Variants in STK3 observed in about 807,000 individuals in gnomAD.
STK3 encodes serine/threonine-protein kinase 3.
A neutral mutation model predicts 58.0 loss-of-function variants in STK3; 41 were observed. The observed-to-expected ratio is 0.71, with a 90% CI of 0.55 to 0.92. The LOEUF (loss-of-function observed/expected upper bound fraction) is 0.92, where lower values mean the gene tolerates loss of function less well. STK3 is among the 40% of genes least tolerant of loss of function. The probability of loss-of-function intolerance (pLI) is 0.00; values close to 1 mark genes in which losing one functional copy is unlikely to be tolerated. For synonymous variants in STK3, 170 were observed against 191.0 expected (o/e 0.89, Z 0.91); for missense variants, 479 against 602.7 (o/e 0.79, Z 2.15).
chr8:98,893,471 A>AG (rs1838302046), intron 1 of STK3, among the ~76,000 whole-genome samples: 1 of 90,214 alleles, frequency 1.1e-5, no homozygotes, highest in African/African-American at 5.8e-5. Context: ...AGAAAGAAAG[A>AG]AAGAAAGAAA....
At chr8:98,789,691 C>T (rs756393793) in intron 1 of STK3, among the ~76,000 whole-genome samples, 4 of 152,042 alleles carry the variant, frequency 2.6e-5, no homozygotes, top group Non-Finnish European at 4.4e-5. Flanking sequence ...TAAAACCTTC[C>T]TGGCTTAAAT....
At chr8:98,548,282 T>C (rs1810885652) in intron 8 of STK3, 121 bp from the exon 9 acceptor site, 1 of 691,358 alleles carries the variant, frequency 1.4e-6, no homozygotes, top group African/African-American at 1.9e-5. Flanking sequence ...TTAGTACTGA[T>C]TTTAATATAA....
chr8:98,871,466 T>C (rs569515880), intron 3 of STK3, among the ~76,000 whole-genome samples: 1 of 152,372 alleles, frequency 6.6e-6, no homozygotes, highest in South Asian at 2.1e-4. Flanking sequence ...TGATTCTTGC[T>C]ATCCACAAGC....
intron 10 of STK3, among the ~76,000 whole-genome samples, chr8:98,477,707 G>GGGA (rs1821459399): frequency 1.3e-5 from 1 of 77,908 alleles, no homozygotes; most frequent in Non-Finnish European, 2.7e-5. Context: ...CTTGGCGGGG[G>GGGA]GGGGGGGGGT....
intron 7 of STK3, among the ~76,000 whole-genome samples, chr8:98,584,221 T>C (rs1197243474): frequency 1.3e-5 from 2 of 152,178 alleles, no homozygotes; most frequent in East Asian, 3.9e-4. Context: ...TAGCATTAGG[T>C]ATATCTCCTA....
chr8:98,590,861 G>A (rs1815248953), intron 7 of STK3, among the ~76,000 whole-genome samples: 1 of 152,150 alleles, frequency 6.6e-6, no homozygotes, highest in African/African-American at 2.4e-5. Context: ...ATATGCTAAT[G>A]CCATTTTATC....
At chr8:98,347,039 A>G in the STK3 span, among the ~76,000 whole-genome samples, 78 of 152,048 alleles carry the variant, frequency 5.1e-4, 1 homozygote, top group East Asian at 0.015. Context: ...CACAAAGCCC[A>G]TAAAAGGAGA....
intron 4 of STK3, among the ~76,000 whole-genome samples, chr8:98,729,310 A>G (rs762370987): frequency 1.6e-4 from 25 of 152,010 alleles, no homozygotes; most frequent in Non-Finnish European, 3.1e-4. Flanking sequence ...GGGTTTCTCT[A>G]TGTCAGCCAG....
chr8:98,745,362 A>T (rs1036466574), intron 4 of STK3, among the ~76,000 whole-genome samples: 1 of 152,144 alleles, frequency 6.6e-6, no homozygotes, highest in African/African-American at 2.4e-5. Context: ...GTAGCTTTGC[A>T]TATGTTTGCT....
At chr8:98,734,086 G>A (rs1196988659) in intron 4 of STK3, among the ~76,000 whole-genome samples, 1 of 152,082 alleles carries the variant, frequency 6.6e-6, no homozygotes, top group Non-Finnish European at 1.5e-5. Flanking sequence ...ACACTCTCAT[G>A]AGAACTCACT....
At chr8:98,702,290 C>T (rs1825685269) in intron 6 of STK3, among the ~76,000 whole-genome samples, 1 of 152,140 alleles carries the variant, frequency 6.6e-6, no homozygotes, top group Non-Finnish European at 1.5e-5. Context: ...TAAACTAAAG[C>T]ATATAAAACA....
At chr8:98,389,401 G>C (rs1817825186), upstream of STK3, among the ~76,000 whole-genome samples, 1 of 152,132 alleles carries the variant, frequency 6.6e-6, no homozygotes, top group Non-Finnish European at 1.5e-5. Flanking sequence ...TCCACCAGAA[G>C]TCTAGCACAA....
chr8:98,478,945 C>T (rs1821604592), intron 10 of STK3, among the ~76,000 whole-genome samples: 1 of 152,162 alleles, frequency 6.6e-6, no homozygotes, highest in African/African-American at 2.4e-5. Context: ...TCCCTATGTT[C>T]CTGATGAGGT....
chr8:98,825,682 C>T lies in STK3; in HGVS notation c.-142G>A, dbSNP rs1039853176. Reference sequence around the variant, plus strand: ...GACCAACTTTCCCGTAACTCCGCGGCGGATCTCCCTCCCGCTTAGGAGCGC... The same window carrying T: ...GACCAACTTTCCCGTAACTCCGCGGTGGATCTCCCTCCCGCTTAGGAGCGC... On this transcript the variant is annotated 5_prime_UTR_variant, in exon 1 of 11. Coordinates refer to ENST00000419617, the MANE Select transcript of STK3 (RefSeq NM_006281.4). 2.7e-6 allele frequency: 3 copies of T among 1,109,502 alleles called. No homozygotes were observed. In the African/African-American group the frequency reaches 5.1e-5, roughly 19 times the overall value. The allele number at this position is 1,109,502 out of a possible 1,614,324, so 68.7% of individuals were successfully genotyped here.
chr8:98,480,491 T>C (rs1821760065), intron 10 of STK3, among the ~76,000 whole-genome samples: 1 of 152,122 alleles, frequency 6.6e-6, no homozygotes, highest in Non-Finnish European at 1.5e-5. Context: ...TGAATGATTA[T>C]CGTACTAATA....
At chr8:98,795,539 C>G (rs1833101942) in intron 1 of STK3, among the ~76,000 whole-genome samples, 1 of 151,816 alleles carries the variant, frequency 6.6e-6, no homozygotes. Flanking sequence ...AAGTCCTTGC[C>G]AGAACAATAA....
chr8:98,362,554 G>C, the STK3 span, among the ~76,000 whole-genome samples: 1 of 152,200 alleles, frequency 6.6e-6, no homozygotes, highest in Non-Finnish European at 1.5e-5. Flanking sequence ...ACTTTTCCCT[G>C]AAGTCAAATC....
intron 2 of STK3, among the ~76,000 whole-genome samples, chr8:98,771,159 T>C (rs1345747928): frequency 2.0e-5 from 3 of 152,248 alleles, no homozygotes; most frequent in Non-Finnish European, 4.4e-5. Context: ...GATTTATCTA[T>C]TCTAGATACT....
intron 1 of STK3, among the ~76,000 whole-genome samples, chr8:98,914,484 ACACACACACT>A (rs1186763251): frequency 1.4e-5 from 2 of 142,582 alleles, no homozygotes; most frequent in Admixed American, 7.0e-5. Context: ...ACACACACAC[ACACACACACT>A]CTCTCTCTCT....
Sources: gnomAD v4.1 joint callset for allele counts (sites outside exome capture counted in the v4.1 genomes callset) on GRCh38, gnomAD v4.1.1 for gene constraint, MANE v1.5 for transcripts, NCBI Gene and HGNC (gene_info 2026-07-23, HGNC 2026-07-21) for gene names.